The following TET3 variants were observed in gnomAD, a reference collection of about 807,000 sequenced individuals.
The protein encoded by TET3 is methylcytosine dioxygenase TET3.
In TET3, 19 loss-of-function variants were observed where a neutral mutation model predicts 141.4. The ratio of observed to expected loss-of-function variants is 0.13; its 90% confidence interval spans 0.09 to 0.20. The LOEUF (loss-of-function observed/expected upper bound fraction) is 0.20, where lower values mean the gene tolerates loss of function less well. Among genes scored for constraint, TET3 ranks in the 10% least tolerant of loss-of-function variants. The pLI is 1.00. For synonymous variants in TET3, 1,043 were observed against 980.9 expected (o/e 1.06, Z -1.18); for missense variants, 1,874 against 2,356.9 (o/e 0.80, Z 4.24).
chr2:74,026,967 C>T (rs969877096), intron 3 of TET3, among the ~76,000 whole-genome samples: 5 of 152,202 alleles, frequency 3.3e-5, no homozygotes, highest in South Asian at 2.1e-4. Flanking sequence ...CCTGCAGTGA[C>T]GTGGGAGGTA....
chr2:74,112,277 T>G (rs924939942), downstream of TET3, among the ~76,000 whole-genome samples: 32 of 151,900 alleles, frequency 2.1e-4, no homozygotes, highest in Admixed American at 5.9e-4. Context: ...TTGGTGCACC[T>G]CCCCATGTGG....
At position 74,099,593 on chromosome 2, in the gene TET3, G is replaced by T; in HGVS notation, c.3585G>T (p.Ala1195=). Residue 1195 remains alanine, a synonymous_variant, in exon 11 of 12, where the codon GCG becomes GCT. Coordinates refer to ENST00000409262, the MANE Select transcript of TET3 (RefSeq NM_001287491.2). ...TCAAGCAGGAGGCCCTGGAGCTGGC[G>T]GGCATTACGTCGGACCCAGGTGTGT... ...EKIKQEALEL[A]GITSDPGLSL... 6.3e-7 allele frequency: 1 copy of T among 1,587,272 alleles called. No individual in the cohort carries two copies. Among genetic ancestry groups the T allele is most frequent in the Non-Finnish European group, 8.6e-7 (1 of 1,164,752 alleles).
chr2:74,082,452 G>C (rs570089028), intron 6 of TET3, among the ~76,000 whole-genome samples: 6 of 152,278 alleles, frequency 3.9e-5, no homozygotes, highest in African/African-American at 1.4e-4. Context: ...ATTCAAGGAG[G>C]GAACAACTCG....
chr2:74,074,971 C>T (rs996442832), intron 5 of TET3, among the ~76,000 whole-genome samples: 1 of 152,020 alleles, frequency 6.6e-6, no homozygotes, highest in Non-Finnish European at 1.5e-5. Context: ...TCCAGGTTCA[C>T]GCCATTCTCC....
intron 3 of TET3, among the ~76,000 whole-genome samples, chr2:74,044,958 A>G (rs969993189): frequency 2.0e-5 from 3 of 152,238 alleles, no homozygotes; most frequent in Middle Eastern, 3.2e-3. Flanking sequence ...TCCCCAGTCT[A>G]AGGTCTAAGC....
chr2:74,048,076 A>C lies in TET3; in HGVS notation c.2159A>C (p.Asp720Ala), dbSNP rs756976853. ...LIRQFEAEFG[D>A]SFGLPGPPSV... ...CGGCAGTTTGAGGCTGAATTTGGAGATAGCTTTGGGCTTCCCGGCCCCCCT... is the reference window on the plus strand; with the variant it reads ...CGGCAGTTTGAGGCTGAATTTGGAGCTAGCTTTGGGCTTCCCGGCCCCCCT... The change falls in exon 4 of 12, where the codon GAT (aspartate) becomes GCT (alanine). Residue 720 changes from aspartate to alanine, a missense_variant. Transcript: ENST00000409262. 6.2e-7 allele frequency: 1 copy of C among 1,613,156 alleles called. No individual in the cohort carries two copies. The highest frequency in any genetic ancestry group is 8.5e-7 in the Non-Finnish European group (1 of 1,179,574).
intron 2 of TET3, among the ~76,000 whole-genome samples, chr2:73,990,792 C>T (rs966539604): frequency 6.6e-6 from 1 of 152,198 alleles, no homozygotes; most frequent in African/African-American, 2.4e-5. Flanking sequence ...CCTGATGAAT[C>T]CTTGCCCATC....
In TET3 at chr2:74,048,199, C is replaced by G; in HGVS notation, c.2282C>G (p.Ser761Cys). Residue 761 changes from serine to cysteine, a missense_variant, in exon 4 of 12, where the codon TCT (serine) becomes TGT (cysteine). Transcript: ENST00000409262. ...TRSPKQIKIE[S>C]SGAVTVLSTT... is the part of the protein sequence containing the mutation. Reference sequence around the variant, plus strand: ...TCCCCCAAGCAAATCAAGATTGAGTCTTCGGGGGCTGTGACTGTGCTCTCA... The same window carrying G: ...TCCCCCAAGCAAATCAAGATTGAGTGTTCGGGGGCTGTGACTGTGCTCTCA... The G allele has an allele frequency of 6.2e-7, 1 of 1,612,564 alleles. No homozygotes were observed. The highest frequency in any genetic ancestry group is 1.3e-5 in the African/African-American group (1 of 74,964).
In TET3 at chr2:74,106,220, A is replaced by G. The variant is rs1332653049; in HGVS notation, c.*4044A>G. 3 of 152,264 alleles carry G rather than the reference A, an allele frequency of 2.0e-5. No individual in the cohort carries two copies. Among genetic ancestry groups the G allele is most frequent in the Non-Finnish European group, 4.4e-5 (3 of 68,094 alleles). 9.4% of individuals were successfully genotyped at this position (152,264 alleles called of 1,614,324 possible). A position where few individuals can be genotyped will look rare whatever the true frequency, so the allele number is the denominator to read the frequency against. On this transcript the variant is annotated 3_prime_UTR_variant, in exon 12 of 12. Coordinates refer to ENST00000409262, the MANE Select transcript of TET3 (RefSeq NM_001287491.2). ...GGTGGCCAAACAAAGCAAGTCGAGA[A>G]GGCAGCTATCTCCCTTTCTGTGATC...
the TET3 span, chr2:74,130,668 C>G: frequency 1.3e-5 from 2 of 152,262 alleles, no homozygotes. Context: ...GCGGAACCCC[C>G]TCCCGTCCCT....
At chr2:74,123,897 T>C in the TET3 span, among the ~76,000 whole-genome samples, 1 of 149,728 alleles carries the variant, frequency 6.7e-6, no homozygotes, top group Admixed American at 6.6e-5. Context: ...GAGGAGCGCC[T>C]CTGCCAGGCC....
rs917912996 is a variant in TET3, at chr2:74,034,546, T to C, written c.361-11732T>C. 2.7e-5 allele frequency among the ~76,000 whole-genome samples: 4 copies of C among 146,412 alleles called. 1 individual carries two copies. In the South Asian group the frequency reaches 6.4e-4, roughly 23 times the overall value. ...GCTTGTTTGAGGTTTGTAGACTCAG[T>C]AGGACATATGTAGTCCTCGAGCATT... On this transcript the variant is annotated intron_variant, in intron 3 of 11. Transcript: ENST00000409262.
Position 74,101,912 on chromosome 2 carries a change from C to T in TET3, c.5124C>T (p.Leu1708=), listed in dbSNP as rs1691241109. The change falls in exon 12 of 12, where the codon CTC becomes CTT. Residue 1708 remains leucine (L), a synonymous_variant. Transcript: ENST00000409262. The surrounding 1 kb of genome is among the most constrained non-coding windows in gnomAD (Gnocchi z 8.5). The stretch of plus-strand genomic sequence containing the variant: ...ACCAGCCCAACCACGGGCTGGCCCT[C>T]TGGGAAGCCAAGATGAAGCAGCTGG... ...NLNQPNHGLA[L]WEAKMKQLAE... is the part of the protein sequence containing the mutation. The T allele has an allele frequency of 6.2e-7, 1 of 1,613,396 alleles. No homozygotes were observed. The highest frequency in any genetic ancestry group is 8.5e-7 in the Non-Finnish European group (1 of 1,179,760).
chr2:74,133,581 T>G, the TET3 span, among the ~76,000 whole-genome samples: 1 of 152,302 alleles, frequency 6.6e-6, no homozygotes, highest in East Asian at 1.9e-4. Flanking sequence ...GTAAAAGGCC[T>G]CAGTTTCTCA....
chr2:74,034,298 T>A (rs1418424614), intron 3 of TET3, among the ~76,000 whole-genome samples: 1 of 151,860 alleles, frequency 6.6e-6, no homozygotes, highest in East Asian at 1.9e-4. Flanking sequence ...GTATTTTATA[T>A]ATGTTAAACA....
intron 5 of TET3, among the ~76,000 whole-genome samples, chr2:74,077,110 C>A (rs1689554783): frequency 6.6e-6 from 1 of 152,176 alleles, no homozygotes; most frequent in African/African-American, 2.4e-5. Flanking sequence ...AATGCTTGTT[C>A]TAGGAACAAA....
chr2:74,096,701 G>A (rs1340816685), intron 10 of TET3, among the ~76,000 whole-genome samples: 2 of 151,392 alleles, frequency 1.3e-5, no homozygotes, highest in African/African-American at 4.9e-5. Context: ...CCGGGAGGCA[G>A]AGGTTGCAGT....
Position 74,107,483 on chromosome 2 carries a change from T to C in TET3, c.*5307T>C, listed in dbSNP as rs1041768811. 1.3e-5 allele frequency: 2 copies of C among 152,218 alleles called. No homozygotes were observed. Among genetic ancestry groups the C allele is most frequent in the African/African-American group, 2.4e-5 (1 of 41,448 alleles). The allele number at this position is 152,218 out of a possible 1,614,324, so 9.4% of individuals were successfully genotyped here. A position where few individuals can be genotyped will look rare whatever the true frequency, so the allele number is the denominator to read the frequency against. ...ACGGGGATTTAAATTAAGAAACTAA[T>C]TGGCTCATGTGAACATTCCAAATTT... On this transcript the variant is annotated 3_prime_UTR_variant, in exon 12 of 12. Coordinates refer to ENST00000409262, the MANE Select transcript of TET3 (RefSeq NM_001287491.2).
intron 4 of TET3, among the ~76,000 whole-genome samples, chr2:74,058,524 TA>T (rs75867509): frequency 1.9e-3 from 273 of 144,414 alleles, no homozygotes; most frequent in Middle Eastern, 3.6e-3. Flanking sequence ...CCTACAAGTT[TA>T]AAAAAAAAAA....
Sources: gnomAD v4.1 joint callset for allele counts (sites outside exome capture counted in the v4.1 genomes callset) on GRCh38, gnomAD v4.1.1 for gene constraint, Gnocchi (gnomAD v3.1) non-coding constraint, MANE v1.5 for transcripts, NCBI Gene and HGNC (gene_info 2026-07-23, HGNC 2026-07-21) for gene names.